CTNNA3: variants seen among roughly 807,000 people sequenced by gnomAD.
CTNNA3 encodes catenin alpha 3.
A neutral mutation model predicts 95.7 loss-of-function variants in CTNNA3; 76 were observed. The ratio of observed to expected loss-of-function variants is 0.79; its 90% CI spans 0.66 to 0.96. CTNNA3 has a LOEUF of 0.96. Among genes scored for constraint, CTNNA3 ranks in the 40% least tolerant of loss-of-function variants. The pLI is 0.00. For missense variants in CTNNA3, 1,191 were observed against 1,089.8 expected (o/e 1.09, Z -1.31); for synonymous variants, 431 against 374.4 (o/e 1.15, Z -1.74).
chr10:66,664,903 A>C (rs972605523), intron 9 of CTNNA3, among the ~76,000 whole-genome samples: 8 of 151,854 alleles, frequency 5.3e-5, no homozygotes, highest in African/African-American at 1.5e-4. Context: ...AAAAAAAAAA[A>C]AAAAAAACAG....
chr10:67,300,612 T>C (rs958692703), intron 5 of CTNNA3, among the ~76,000 whole-genome samples: 1 of 152,218 alleles, frequency 6.6e-6, no homozygotes, highest in Non-Finnish European at 1.5e-5. Flanking sequence ...TAGGTCATCA[T>C]TGAGTTCAGG....
intron 3 of CTNNA3, among the ~76,000 whole-genome samples, chr10:67,588,825 A>C (rs1005455723): frequency 1.3e-5 from 2 of 152,066 alleles, no homozygotes; most frequent in Non-Finnish European, 2.9e-5. Context: ...TAGATATCTA[A>C]ATCTAATGAG....
At chr10:67,305,211 G>A (rs1431539402) in intron 5 of CTNNA3, among the ~76,000 whole-genome samples, 1 of 152,158 alleles carries the variant, frequency 6.6e-6, no homozygotes, top group Non-Finnish European at 1.5e-5. Flanking sequence ...GGGAGGTGGA[G>A]CTTGCAGTGA....
chr10:67,232,754 T>C (rs1476608533), intron 5 of CTNNA3, among the ~76,000 whole-genome samples: 1 of 151,766 alleles, frequency 6.6e-6, no homozygotes, highest in Non-Finnish European at 1.5e-5. Context: ...GTGTGCTGTA[T>C]TCAGGAAACC....
chr10:66,364,346 C>A (rs1367946386), intron 12 of CTNNA3, among the ~76,000 whole-genome samples: 1 of 151,764 alleles, frequency 6.6e-6, no homozygotes, highest in African/African-American at 2.4e-5. Context: ...AGTTTGAGAC[C>A]AACTTCGGCA....
chr10:66,105,382 T>C (rs2081849893), intron 13 of CTNNA3, among the ~76,000 whole-genome samples: 1 of 152,180 alleles, frequency 6.6e-6, no homozygotes, highest in Admixed American at 6.6e-5. Context: ...TTTGAACAAA[T>C]TCAGTTAATC....
At chr10:66,679,779 G>T (rs1360685295) in intron 9 of CTNNA3, among the ~76,000 whole-genome samples, 1 of 152,282 alleles carries the variant, frequency 6.6e-6, no homozygotes, top group East Asian at 1.9e-4. Flanking sequence ...CACACAACAT[G>T]CAAACTACTT....
chr10:67,363,981 C>A (rs926805100), intron 5 of CTNNA3, among the ~76,000 whole-genome samples: 1 of 152,100 alleles, frequency 6.6e-6, no homozygotes, highest in African/African-American at 2.4e-5. Context: ...TTTTATGAGG[C>A]AGCATCATCC....
chr10:66,202,598 C>T (rs1475664185), intron 13 of CTNNA3, among the ~76,000 whole-genome samples: 2 of 152,196 alleles, frequency 1.3e-5, no homozygotes, highest in East Asian at 3.9e-4. Context: ...TTTCTTTTAA[C>T]AGCACCTATA....
intron 7 of CTNNA3, among the ~76,000 whole-genome samples, chr10:67,179,625 T>G (rs193193440): frequency 2.0e-5 from 3 of 152,188 alleles, no homozygotes; most frequent in Non-Finnish European, 2.9e-5. Context: ...GCCCAGTAGT[T>G]TGACACCAGT....
At chr10:66,492,008 T>C (rs1016988922) in intron 11 of CTNNA3, among the ~76,000 whole-genome samples, 8 of 152,192 alleles carry the variant, frequency 5.3e-5, no homozygotes, top group African/African-American at 1.9e-4. Flanking sequence ...GTTCTTATTG[T>C]CCCTCTGTAC....
At chr10:66,625,187 T>A (rs1450946948) in intron 9 of CTNNA3, among the ~76,000 whole-genome samples, 1 of 152,160 alleles carries the variant, frequency 6.6e-6, no homozygotes. Flanking sequence ...ATCCCTCTCT[T>A]GCAGCTCTTT....
At chr10:66,713,255 G>C (rs923119976) in intron 9 of CTNNA3, among the ~76,000 whole-genome samples, 2 of 152,034 alleles carry the variant, frequency 1.3e-5, no homozygotes, top group Admixed American at 6.6e-5. Flanking sequence ...ATATTCAATA[G>C]CAGGGCCCTC....
chr10:66,349,876 T>G (rs1215836434), intron 12 of CTNNA3, among the ~76,000 whole-genome samples: 1 of 152,042 alleles, frequency 6.6e-6, no homozygotes, highest in East Asian at 1.9e-4. Flanking sequence ...CTTCAGAATA[T>G]CACATACCTA....
intron 7 of CTNNA3, among the ~76,000 whole-genome samples, chr10:66,856,724 T>C (rs1237494767): frequency 6.6e-6 from 1 of 152,114 alleles, no homozygotes; most frequent in East Asian, 1.9e-4. Flanking sequence ...AAAGTGTCTG[T>C]TCATGTCCTT....
intron 5 of CTNNA3, among the ~76,000 whole-genome samples, chr10:67,497,908 C>A (rs555136931): frequency 6.6e-6 from 1 of 152,294 alleles, no homozygotes; most frequent in Admixed American, 6.5e-5. Context: ...ATAATAGTTT[C>A]TTTTGCTGTG....
At chr10:66,249,840 C>G (rs1911472) in intron 13 of CTNNA3, among the ~76,000 whole-genome samples, 56,370 of 151,912 alleles carry the variant, frequency 0.37, 10,968 homozygotes, top group East Asian at 0.46. Flanking sequence ...AACAAAGAAA[C>G]AAACAAACAA....
intron 7 of CTNNA3, among the ~76,000 whole-genome samples, chr10:67,016,368 G>A (rs768242210): frequency 1.3e-5 from 2 of 151,690 alleles, no homozygotes; most frequent in Non-Finnish European, 2.9e-5. Flanking sequence ...TTCTTCCCTC[G>A]TTTCTTTTTG....
chr10:66,444,790 C>T (rs1406415041), intron 11 of CTNNA3, among the ~76,000 whole-genome samples: 1 of 152,170 alleles, frequency 6.6e-6, no homozygotes, highest in Non-Finnish European at 1.5e-5. Flanking sequence ...AACCAGCTAA[C>T]ATCATAATGA....
Sources: allele counts gnomAD v4.1 joint callset (sites outside exome capture counted in the v4.1 genomes callset), GRCh38; gene constraint gnomAD v4.1.1; transcripts MANE v1.5; gene names NCBI Gene and HGNC (gene_info 2026-07-23, HGNC 2026-07-21).